The following GPR158 variants were observed in gnomAD, a reference collection of about 807,000 sequenced individuals.
GPR158 encodes the protein metabotropic glycine receptor.
A neutral mutation model predicts 78.2 loss-of-function variants in GPR158; 30 were observed. The ratio of observed to expected loss-of-function variants is 0.38; its 90% confidence interval spans 0.29 to 0.52. The LOEUF (loss-of-function observed/expected upper bound fraction) is 0.52, where lower values mean the gene tolerates loss of function less well. Among genes scored for constraint, GPR158 ranks in the 20% least tolerant of loss-of-function variants. The probability of loss-of-function intolerance (pLI) is 0.83; values close to 1 mark genes in which losing one functional copy is unlikely to be tolerated. For synonymous variants in GPR158, 581 were observed against 591.1 expected, an observed-to-expected ratio of 0.98 and a Z score of 0.25; for missense variants, 1,463 against 1,523.5, an observed-to-expected ratio of 0.96 and a Z score of 0.66.
chr10:25,447,253 G>T lies in GPR158; in HGVS notation c.1336-19398G>T, dbSNP rs112179454. ...TTATTAGTTATGGTACATTTTACTG[G>T]ATATAGCATGTTCTTGAAAGAATCA... On this transcript the variant is annotated intron_variant, in intron 4 of 10. Transcript: ENST00000376351. Among the ~76,000 whole-genome samples the T allele has an allele frequency of 4.2e-3, 635 of 152,198 alleles. 3 individuals carry two copies. The highest frequency in any genetic ancestry group is 6.1e-3 in the Non-Finnish European group (413 of 68,000).
chr10:25,269,079 A>G (rs746088195), intron 2 of GPR158, among the ~76,000 whole-genome samples: 6 of 152,184 alleles, frequency 3.9e-5, no homozygotes, highest in African/African-American at 7.2e-5. Context: ...TTATATCTCA[A>G]TACTCTGGCA....
intron 4 of GPR158, among the ~76,000 whole-genome samples, chr10:25,452,690 AT>A: frequency 6.6e-6 from 1 of 152,324 alleles, no homozygotes; most frequent in South Asian, 2.1e-4. Flanking sequence ...ACTATTTTAA[AT>A]TTTGAAATAT....
intron 7 of GPR158, among the ~76,000 whole-genome samples, chr10:25,573,399 A>T (rs1031447697): frequency 6.6e-6 from 1 of 152,246 alleles, no homozygotes; most frequent in Non-Finnish European, 1.5e-5. Flanking sequence ...CAACTTATTT[A>T]TAATTCTCTG....
intron 2 of GPR158, among the ~76,000 whole-genome samples, chr10:25,275,569 A>C (rs1201189797): frequency 6.6e-6 from 1 of 152,142 alleles, no homozygotes; most frequent in African/African-American, 2.4e-5. Context: ...CAAAGGAAAA[A>C]ATTGAGAAGT....
At chr10:25,291,045 C>G (rs1033151869) in intron 2 of GPR158, among the ~76,000 whole-genome samples, 6 of 151,848 alleles carry the variant, frequency 4.0e-5, no homozygotes, top group Non-Finnish European at 7.4e-5. Context: ...CTGCATGCAG[C>G]CATATTTTTA....
chr10:25,502,226 TC>T (rs1270282907), intron 5 of GPR158, among the ~76,000 whole-genome samples: 1 of 152,108 alleles, frequency 6.6e-6, no homozygotes, highest in Non-Finnish European at 1.5e-5. Context: ...AGTCATGATT[TC>T]CACAGCTCAC....
intron 4 of GPR158, among the ~76,000 whole-genome samples, chr10:25,438,731 G>T (rs1374722319): frequency 1.3e-5 from 2 of 152,174 alleles, no homozygotes; most frequent in Non-Finnish European, 2.9e-5. Context: ...TGGTTTCAAG[G>T]CATCTTGAGC....
intron 1 of GPR158, among the ~76,000 whole-genome samples, chr10:25,202,972 T>C (rs1852957079): frequency 6.6e-6 from 1 of 152,238 alleles, no homozygotes; most frequent in African/African-American, 2.4e-5. Context: ...TGGTATCTCA[T>C]TGTGGTTTTG....
chr10:25,463,758 C>T (rs1009376160), intron 4 of GPR158, among the ~76,000 whole-genome samples: 1 of 152,034 alleles, frequency 6.6e-6, no homozygotes, highest in African/African-American at 2.4e-5. Flanking sequence ...TCCTTCCTCA[C>T]CCTACCAGTG....
chr10:25,386,221 C>T (rs1176467824), intron 2 of GPR158, among the ~76,000 whole-genome samples: 1 of 152,086 alleles, frequency 6.6e-6, no homozygotes, highest in Non-Finnish European at 1.5e-5. Flanking sequence ...ATGTCCTGTC[C>T]TCACTGAATT....
chr10:25,437,566 GAACA>G (rs1835013367), intron 4 of GPR158, among the ~76,000 whole-genome samples: 1 of 152,194 alleles, frequency 6.6e-6, no homozygotes, highest in South Asian at 2.1e-4. Context: ...AATAGTGCAG[GAACA>G]ACTGTCTATT....
At chr10:25,270,039 A>G (rs918466676) in intron 2 of GPR158, among the ~76,000 whole-genome samples, 2 of 152,192 alleles carry the variant, frequency 1.3e-5, no homozygotes, top group Non-Finnish European at 2.9e-5. Context: ...AAGAAGTTCT[A>G]CTGGTTCAAG....
chr10:25,185,260 A>T (rs866428040), intron 1 of GPR158, among the ~76,000 whole-genome samples: 1 of 152,198 alleles, frequency 6.6e-6, no homozygotes. Flanking sequence ...GTGTGTGCAT[A>T]TATTTATGCT....
chr10:25,591,774 T>A (rs759223976), intron 8 of GPR158, among the ~76,000 whole-genome samples: 2 of 152,118 alleles, frequency 1.3e-5, no homozygotes, highest in Non-Finnish European at 2.9e-5. Context: ...TGGATCAGAC[T>A]GTGGTATATT....
At chr10:25,508,155 T>G (rs1836039128) in intron 5 of GPR158, among the ~76,000 whole-genome samples, 1 of 152,186 alleles carries the variant, frequency 6.6e-6, no homozygotes, top group Non-Finnish European at 1.5e-5. Context: ...TATTTATTTA[T>G]TTATTTTTTT....
chr10:25,470,319 A>G (rs2130622269), intron 5 of GPR158, among the ~76,000 whole-genome samples: 1 of 152,246 alleles, frequency 6.6e-6, no homozygotes, highest in South Asian at 2.1e-4. Flanking sequence ...AGGTGTTTAG[A>G]GCCCTCATGT....
At chr10:25,516,751 C>G (rs1258012921) in intron 5 of GPR158, among the ~76,000 whole-genome samples, 79 of 105,838 alleles carry the variant, frequency 7.5e-4, no homozygotes, top group South Asian at 2.3e-3. Context: ...GGTACCAGTA[C>G]CATGCTGTTT....
chr10:25,390,111 C>G (rs1274254784), intron 2 of GPR158, among the ~76,000 whole-genome samples: 1 of 152,196 alleles, frequency 6.6e-6, no homozygotes, highest in Non-Finnish European at 1.5e-5. Context: ...ATGAGGCTTC[C>G]CCATCCATGT....
rs760856550 is a variant in GPR158 at position 25,508,800 on chromosome 10, A to C, written c.1404+42081A>C. 2.0e-5 allele frequency among the ~76,000 whole-genome samples: 3 copies of C among 152,266 alleles called. No homozygotes were observed. In the South Asian group the frequency reaches 6.2e-4, roughly 32 times the overall value. On this transcript the variant is annotated intron_variant, in intron 5 of 10. Coordinates refer to ENST00000376351, the MANE Select transcript of GPR158 (RefSeq NM_020752.3). Reference sequence around the variant, plus strand: ...AAGACCTTATTGCAATTAGTAATATAAGGGTATTTGACCAGCCCCTCTCCC... The same window carrying C: ...AAGACCTTATTGCAATTAGTAATATCAGGGTATTTGACCAGCCCCTCTCCC...
Sources: allele counts gnomAD v4.1 joint callset (sites outside exome capture counted in the v4.1 genomes callset), GRCh38; gene constraint gnomAD v4.1.1; transcripts MANE v1.5; gene names NCBI Gene and HGNC (gene_info 2026-07-23, HGNC 2026-07-21).